The following TCERG1L variants were observed in gnomAD, a reference collection of about 807,000 sequenced individuals.
TCERG1L encodes the protein transcription elongation regulator 1 like.
In TCERG1L, 37 loss-of-function variants were observed where a neutral mutation model predicts 56.3. That is an observed-to-expected ratio of 0.66 (90% CI 0.51 to 0.87). The LOEUF (loss-of-function observed/expected upper bound fraction) is 0.87. Among genes scored for constraint, TCERG1L ranks in the 40% least tolerant of loss-of-function variants. TCERG1L has a pLI of 0.00. For missense variants in TCERG1L, 799 were observed against 774.2 expected, an observed-to-expected ratio of 1.03 and a Z score of -0.38; for synonymous variants, 324 against 326.3, an observed-to-expected ratio of 0.99 and a Z score of 0.08.
intron 4 of TCERG1L, among the ~76,000 whole-genome samples, chr10:131,184,873 T>C (rs1845219596): frequency 6.6e-6 from 1 of 152,110 alleles, no homozygotes; most frequent in African/African-American, 2.4e-5. Context: ...AAGAACAAAA[T>C]GGCACCAAAG....
chr10:131,245,186 G>C (rs562450655), intron 4 of TCERG1L, among the ~76,000 whole-genome samples: 1 of 152,320 alleles, frequency 6.6e-6, no homozygotes, highest in African/African-American at 2.4e-5. Context: ...CCAGTGTGCA[G>C]AGCAGGGCAC....
intron 3 of TCERG1L, among the ~76,000 whole-genome samples, chr10:131,276,797 T>A (rs1016113785): frequency 6.6e-6 from 1 of 152,168 alleles, no homozygotes; most frequent in Admixed American, 6.5e-5. Context: ...TCCGGGACGG[T>A]AGACAGGTCT....
chr10:131,130,863 A>G (rs910630679), intron 8 of TCERG1L, among the ~76,000 whole-genome samples: 2 of 152,058 alleles, frequency 1.3e-5, no homozygotes, highest in African/African-American at 4.8e-5. Context: ...TGGCGGAGTC[A>G]CTGACTCCCC....
Position 131,229,089 on chromosome 10 carries a change from C to T in TCERG1L, c.856+31170G>A, listed in dbSNP as rs147419557. Among the ~76,000 whole-genome samples the T allele has an allele frequency of 5.9e-4, 54 of 90,794 alleles. 2 individuals carry two copies. Among genetic ancestry groups the T allele is most frequent in the African/African-American group, 2.0e-3 (50 of 24,560 alleles). 59.6% of individuals were successfully genotyped at this position (90,794 alleles called of 152,430 possible). A position where few individuals can be genotyped will look rare whatever the true frequency, so the allele number is the denominator to read the frequency against. On this transcript the variant is annotated intron_variant, in intron 4 of 11. Transcript: ENST00000368642. ...CAGACAGGCATTTCCTCAAGGCCTC[C>T]GGAGTCTTCCCTCCAGACAGGCATT... is the stretch of plus-strand genomic sequence containing the variant.
intron 4 of TCERG1L, among the ~76,000 whole-genome samples, chr10:131,247,303 T>C (rs1232149897): frequency 6.6e-6 from 1 of 152,200 alleles, no homozygotes; most frequent in Non-Finnish European, 1.5e-5. Flanking sequence ...AATTGAATAT[T>C]AGATATTCAA....
intron 4 of TCERG1L, among the ~76,000 whole-genome samples, chr10:131,194,243 T>C (rs1234103548): frequency 1.3e-5 from 2 of 152,146 alleles, no homozygotes; most frequent in Non-Finnish European, 2.9e-5. Flanking sequence ...CGGTGCAGAG[T>C]GAGTGAGGGA....
At chr10:131,225,044 T>G (rs926664087) in intron 4 of TCERG1L, among the ~76,000 whole-genome samples, 12 of 152,134 alleles carry the variant, frequency 7.9e-5, no homozygotes, top group Non-Finnish European at 1.6e-4. Context: ...ATGTGTTGAC[T>G]GAGAAAGGCC....
At chr10:131,139,676 ATGTGTGTGTGTGTCTG>A (rs1476084697) in intron 7 of TCERG1L, among the ~76,000 whole-genome samples, 1 of 133,860 alleles carries the variant, frequency 7.5e-6, no homozygotes, top group Non-Finnish European at 1.6e-5. Flanking sequence ...GGCTATGCAT[ATGTGTGTGTGTGTCTG>A]TGTGTGTGTG....
intron 10 of TCERG1L, among the ~76,000 whole-genome samples, chr10:131,100,642 G>A (rs1387560702): frequency 6.6e-6 from 1 of 152,054 alleles, no homozygotes; most frequent in South Asian, 2.1e-4. Context: ...ACACTCCCTC[G>A]ACCCTGATTC....
At chr10:131,143,643 A>C (rs1201557396) in intron 7 of TCERG1L, among the ~76,000 whole-genome samples, 2 of 152,172 alleles carry the variant, frequency 1.3e-5, no homozygotes, top group Admixed American at 1.3e-4. Flanking sequence ...AGACAGCGAG[A>C]GAACCACGCC....
rs961740180 is a variant in TCERG1L at position 131,166,721 on chromosome 10, G to A, written c.945+76C>T. On this transcript the variant is annotated intron_variant, in intron 5 of 11. Transcript: ENST00000368642. Reference sequence around the variant, plus strand: ...CACAAACACCATACAGCAAACAAGCGTGAGGGTGTCCTGGCCCTGGTCCTC... The same window carrying A: ...CACAAACACCATACAGCAAACAAGCATGAGGGTGTCCTGGCCCTGGTCCTC... 3.5e-5 allele frequency: 50 copies of A among 1,408,826 alleles called. No homozygotes were observed. In the Admixed American group the frequency reaches 4.6e-4, roughly 13 times the overall value. The allele number at this position is 1,408,826 out of a possible 1,614,324, so 87.3% of individuals were successfully genotyped here. A position where few individuals can be genotyped will look rare whatever the true frequency, so the allele number is the denominator to read the frequency against.
intron 8 of TCERG1L, among the ~76,000 whole-genome samples, chr10:131,123,833 C>T (rs1447857179): frequency 1.3e-5 from 2 of 152,148 alleles, no homozygotes; most frequent in Non-Finnish European, 2.9e-5. Flanking sequence ...CCCACGGAGC[C>T]GAGACCCTGC....
intron 8 of TCERG1L, among the ~76,000 whole-genome samples, chr10:131,121,818 G>A (rs1260242516): frequency 6.6e-6 from 1 of 151,464 alleles, no homozygotes; most frequent in Admixed American, 6.6e-5. Flanking sequence ...CCATGCTGGT[G>A]ATGAGCTGTG....
chr10:131,296,650 T>C (rs1401696638), intron 3 of TCERG1L, among the ~76,000 whole-genome samples: 1 of 152,244 alleles, frequency 6.6e-6, no homozygotes, highest in Non-Finnish European at 1.5e-5. Flanking sequence ...GGCTTGTCAA[T>C]TTACATGAAA....
chr10:131,109,789 C>T (rs761696677), intron 9 of TCERG1L, among the ~76,000 whole-genome samples: 3 of 152,184 alleles, frequency 2.0e-5, no homozygotes, highest in Non-Finnish European at 2.9e-5. Flanking sequence ...CTCCTCTGTT[C>T]CCTCATTAGT....
intron 4 of TCERG1L, among the ~76,000 whole-genome samples, chr10:131,227,517 C>A (rs915261176): frequency 6.6e-6 from 1 of 152,204 alleles, no homozygotes; most frequent in Non-Finnish European, 1.5e-5. Context: ...CTAATATAGA[C>A]CTGAGATAGC....
chr10:131,131,545 T>C (rs546755119), intron 8 of TCERG1L, among the ~76,000 whole-genome samples: 1 of 152,328 alleles, frequency 6.6e-6, no homozygotes, highest in South Asian at 2.1e-4. Flanking sequence ...TAGATTAGAA[T>C]ATTTCAGTAA....
chr10:131,229,523 G>A (rs1485298750), intron 4 of TCERG1L, among the ~76,000 whole-genome samples: 6 of 152,112 alleles, frequency 3.9e-5, no homozygotes, highest in South Asian at 2.1e-4. Context: ...TCCAGGAAGC[G>A]AAGGTCAACA....
intron 6 of TCERG1L, chr10:131,162,857 C>A (rs1483293833): frequency 9.1e-6 from 3 of 330,622 alleles, no homozygotes; most frequent in Non-Finnish European, 1.6e-5. Flanking sequence ...CACTGCCTTT[C>A]GCTGATAGAC....
Sources: gnomAD v4.1 joint callset for allele counts (sites outside exome capture counted in the v4.1 genomes callset) on GRCh38, gnomAD v4.1.1 for gene constraint, MANE v1.5 for transcripts, NCBI Gene and HGNC (gene_info 2026-07-23, HGNC 2026-07-21) for gene names.